The following MFSD12 variants were observed in gnomAD, a reference collection of about 807,000 sequenced individuals.
MFSD12 encodes the protein major facilitator superfamily domain containing 12.
Under a neutral mutation model 51.2 loss-of-function variants are expected in MFSD12, and 67 were observed. The observed-to-expected ratio is 1.31, with a 90% CI of 1.08 to 1.60. The LOEUF (loss-of-function observed/expected upper bound fraction) is 1.60, where lower values mean the gene tolerates loss of function less well. MFSD12 is among the 40% of genes most tolerant of loss of function. MFSD12 has a pLI of 0.00. For synonymous variants in MFSD12, 441 were observed against 316.7 expected (o/e 1.39, Z -4.17); for missense variants, 921 against 673.0 (o/e 1.37, Z -4.08).
intron 8 of MFSD12, among the ~76,000 whole-genome samples, chr19:3,545,776 C>CTGAGT (rs1484515862): frequency 1.3e-5 from 2 of 152,248 alleles, no homozygotes; most frequent in Admixed American, 1.3e-4. Flanking sequence ...TGTCTGAACC[C>CTGAGT]TGAGTTCTGT....
chr19:3,547,497 G>A lies in MFSD12; in HGVS notation c.888C>T (p.Thr296=), dbSNP rs1276436297. 8.1e-6 allele frequency: 13 copies of A among 1,613,132 alleles called. No homozygotes were observed. The highest frequency in any genetic ancestry group is 1.1e-5 in the Non-Finnish European group (13 of 1,179,950). ...TTRLIVNLSQ[T]YMAMYLTYSL... is the part of the protein sequence containing the mutation. ...AGTAGGTGAGGTACATGGCCATGTA[G>A]GTCTGGGACAGGTTCACGATGAGCC... The change falls in exon 5 of 10, where the codon ACC becomes ACT. Residue 296 remains threonine (T), a synonymous_variant. Coordinates refer to ENST00000355415, the MANE Select transcript of MFSD12 (RefSeq NM_174983.5).
rs2030783365 is a variant in MFSD12 at position 3,544,596 on chromosome 19, G to C, written c.*114C>G. 6.7e-7 allele frequency: 1 copy of C among 1,484,316 alleles called. No individual in the cohort carries two copies. The highest frequency in any genetic ancestry group is 2.3e-5 in the East Asian group (1 of 42,818). The allele number at this position is 1,484,316 out of a possible 1,614,324, so 91.9% of individuals were successfully genotyped here. A position where few individuals can be genotyped will look rare whatever the true frequency, so the allele number is the denominator to read the frequency against. On this transcript the variant is annotated 3_prime_UTR_variant, in exon 10 of 10. Coordinates refer to ENST00000355415, the MANE Select transcript of MFSD12 (RefSeq NM_174983.5). ...CCCCCGGGAGCTGGGTGAGGATGGAGGGTGGGGGTCCAGAGAAGAGTGAGG... is the reference window on the plus strand; with the variant it reads ...CCCCCGGGAGCTGGGTGAGGATGGACGGTGGGGGTCCAGAGAAGAGTGAGG...
rs374665322 is a variant in MFSD12, at chr19:3,548,108, C to G, written c.654+15G>C. ...GCTCGAGGACTTCAGGCGACCCACC[C>G]GGACTCCAGCTCACCCGGAACACGG... is the stretch of plus-strand genomic sequence containing the variant. On this transcript the variant is annotated intron_variant, in intron 3 of 9. Transcript: ENST00000355415. 1 of 1,605,006 alleles carries G rather than the reference C, an allele frequency of 6.2e-7. No individual in the cohort carries two copies.
chr19:3,538,624 C>T (rs1173500625), exon 5 of MFSD12: 2 of 397,548 alleles, frequency 5.0e-6, no homozygotes, highest in Admixed American at 3.3e-5. Context: ...TTCGCACCTC[C>T]TTGTGGCTGA....
chr19:3,546,205 C>G (rs373054272), intron 7 of MFSD12, 37 bp from the exon 8 acceptor site: 3 of 1,608,858 alleles, frequency 1.9e-6, no homozygotes, highest in African/African-American at 1.3e-5. Flanking sequence ...GCGTGCACCC[C>G]GAGATCTAGG....
At chr19:3,542,318 T>C (rs558368576), downstream of MFSD12, 11 of 985,300 alleles carry the variant, frequency 1.1e-5, no homozygotes, top group Non-Finnish European at 1.2e-5. Flanking sequence ...GCAGAGTTCC[T>C]GCCATGAGAG....
chr19:3,542,505 A>T, downstream of MFSD12: 1 of 975,426 alleles, frequency 1.0e-6, no homozygotes. Context: ...ACAGAGTCTC[A>T]CTCTGTTGCC....
downstream of MFSD12, chr19:3,543,680 GGTGAGGCTAGGTGCAGGGTGGGTCCTT>G (rs2030656866): frequency 6.5e-7 from 1 of 1,532,170 alleles, no homozygotes; most frequent in African/African-American, 1.4e-5. Context: ...CAAGGAATAC[GGTGAGGCTAGGTGCAGGGTGGGTCCTT>G]GGGAGGCCAG....
chr19:3,543,045 A>C, downstream of MFSD12: 5 of 1,605,188 alleles, frequency 3.1e-6, no homozygotes, highest in South Asian at 2.2e-5. Context: ...AGGGGGAGTC[A>C]GCCTCTCTCC....
At position 3,544,242 on chromosome 19, in the gene MFSD12, TGCCGGGCAGCCCTGCTGCC is replaced by T; in HGVS notation, c.*449_*467del. On this transcript the variant is annotated 3_prime_UTR_variant, in exon 10 of 10. Transcript: ENST00000355415. Reference sequence around the variant, plus strand: ...TGCTGCCAGCAGAGTCCACCAAGCCTGCCGGGCAGCCCTGCTGCCCACCACGGTGGGGTCCAGGCCCAGC... The same window carrying T: ...TGCTGCCAGCAGAGTCCACCAAGCCTCACCACGGTGGGGTCCAGGCCCAGC... 7.9e-7 allele frequency: 1 copy of T among 1,267,706 alleles called. No homozygotes were observed. The highest frequency in any genetic ancestry group is 9.9e-7 in the Non-Finnish European group (1 of 1,005,796). The allele number at this position is 1,267,706 out of a possible 1,614,324, so 78.5% of individuals were successfully genotyped here.
rs1447844054 is a variant in MFSD12 at position 3,548,275 on chromosome 19, G to A, written c.510-8C>T. ...ACCACGGTGAACGCATACCTGGCGG[G>A]CAGGCGGGCAGGGACTCAACAAGAC... is the stretch of plus-strand genomic sequence containing the variant. On this transcript the variant is annotated splice_region_variant and splice_polypyrimidine_tract_variant and intron_variant, in intron 2 of 9. Coordinates refer to ENST00000355415, the MANE Select transcript of MFSD12 (RefSeq NM_174983.5). The A allele has an allele frequency of 2.6e-6, 4 of 1,546,624 alleles. No homozygotes were observed. The highest frequency in any genetic ancestry group is 2.4e-5 in the South Asian group (2 of 84,066).
At chr19:3,545,330 C>T (rs2030906678) in intron 8 of MFSD12, among the ~76,000 whole-genome samples, 1 of 152,216 alleles carries the variant, frequency 6.6e-6, no homozygotes, top group African/African-American at 2.4e-5. Flanking sequence ...CTGTGAGTCC[C>T]ACTGTCCTCA....
Position 3,544,858 on chromosome 19 carries a change from AGCGGCCACGC to A in MFSD12, c.1361_1370del (p.Gly454ValfsTer27). On this transcript the variant is annotated frameshift_variant, in exon 9 of 10. Transcript: ENST00000355415. LOFTEE classifies it high-confidence loss of function. ...GCAGGAGGCTACAGAGACACAGGGC[AGCGGCCACGC>A]CCACGCCGCCCGTCACAGCCACCAT... 1 of 1,611,984 alleles carries A rather than the reference AGCGGCCACGC, an allele frequency of 6.2e-7. No homozygotes were observed. The highest frequency in any genetic ancestry group is 1.1e-5 in the South Asian group (1 of 91,054).
chr19:3,552,631 C>T (rs917050230), intron 1 of MFSD12, among the ~76,000 whole-genome samples: 3 of 151,762 alleles, frequency 2.0e-5, no homozygotes, highest in South Asian at 2.1e-4. Flanking sequence ...CCTGCCGCCA[C>T]ATCCCACCAC....
At chr19:3,538,528 G>C in exon 5 of MFSD12, 1 of 372,276 alleles carries the variant, frequency 2.7e-6, no homozygotes, top group Admixed American at 3.2e-5. Context: ...ATAGAAGTGG[G>C]ATCACAGCGT....
chr19:3,546,623 C>T (rs966478140), intron 6 of MFSD12, among the ~76,000 whole-genome samples, 198 bp from the exon 7 acceptor site: 6 of 152,266 alleles, frequency 3.9e-5, no homozygotes, highest in African/African-American at 7.2e-5. Context: ...CTGTCCACGC[C>T]GTAGCGGCTG....
Position 3,546,276 on chromosome 19 carries a change from G to C in MFSD12, c.1173C>G (p.Ala391=), listed in dbSNP as rs149986717. 3.1e-6 allele frequency: 5 copies of C among 1,610,450 alleles called. No individual in the cohort carries two copies. The Admixed American group carries it at 5.0e-5, about 16-fold the overall frequency. Residue 391 remains alanine (A), a synonymous_variant, in exon 7 of 10, where the codon GCC becomes GCG. Transcript: ENST00000355415. The part of the protein sequence containing the change: ...TILVTSLAMT[A]DLIGPHTNSG... Reference sequence around the variant, plus strand: ...CTACCGTGTGGGGACCGATGAGGTCGGCCGTCATGGCCAGCGAGGTGACGA... The same window carrying C: ...CTACCGTGTGGGGACCGATGAGGTCCGCCGTCATGGCCAGCGAGGTGACGA...
intron 1 of MFSD12, among the ~76,000 whole-genome samples, chr19:3,555,187 C>T (rs1048996672): frequency 1.4e-4 from 21 of 152,200 alleles, no homozygotes; most frequent in African/African-American, 4.3e-4. Flanking sequence ...TGGCTGACTA[C>T]AGCCTCTGCC....
At chr19:3,543,520 G>C, downstream of MFSD12, 2 of 1,529,352 alleles carry the variant, frequency 1.3e-6, no homozygotes, top group Non-Finnish European at 1.8e-6. Context: ...GCCAGAGGGG[G>C]ACAGGAATGA....
Sources: allele counts gnomAD v4.1 joint callset (sites outside exome capture counted in the v4.1 genomes callset), GRCh38; gene constraint gnomAD v4.1.1; transcripts MANE v1.5; gene names NCBI Gene and HGNC (gene_info 2026-07-23, HGNC 2026-07-21).